LRFN5: variants seen among roughly 807,000 people sequenced by gnomAD.
The protein encoded by LRFN5 is leucine-rich repeat and fibronectin type-III domain-containing protein 5.
A neutral mutation model predicts 45.6 loss-of-function variants in LRFN5; 24 were observed. The ratio of observed to expected loss-of-function variants is 0.53; its 90% confidence interval spans 0.38 to 0.74. The LOEUF (loss-of-function observed/expected upper bound fraction) is 0.74, where lower values mean the gene tolerates loss of function less well. Among genes scored for constraint, LRFN5 ranks in the 30% least tolerant of loss-of-function variants. The probability of loss-of-function intolerance (pLI) is 0.00; values close to 1 mark genes in which losing one functional copy is unlikely to be tolerated. For missense variants in LRFN5, 776 were observed against 861.5 expected (o/e 0.90, Z 1.24); for synonymous variants, 340 against 313.8 (o/e 1.08, Z -0.88).
At chr14:41,828,508 G>A (rs1013809736) in intron 2 of LRFN5, among the ~76,000 whole-genome samples, 1 of 151,954 alleles carries the variant, frequency 6.6e-6, no homozygotes, top group African/African-American at 2.4e-5. Context: ...AAATCAACAT[G>A]TTTAATACCA....
In LRFN5 at chr14:41,672,920, T is replaced by A. The variant is rs1225850826; in HGVS notation, c.-197+64358T>A. 2.0e-5 allele frequency among the ~76,000 whole-genome samples: 3 copies of A among 152,318 alleles called. No homozygotes were observed. In the East Asian group the frequency reaches 5.8e-4, roughly 29 times the overall value. On this transcript the variant is annotated intron_variant, in intron 1 of 5. Coordinates refer to ENST00000298119, the MANE Select transcript of LRFN5 (RefSeq NM_152447.5). ...ACAAAACTAAGAATATACAATTTAA[T>A]CAACACTGGATATTGTATCATATTA...
intron 1 of LRFN5, chr14:41,699,830 T>C (rs1882765333): frequency 6.6e-6 from 1 of 152,034 alleles, no homozygotes; most frequent in Admixed American, 6.6e-5. Context: ...GGAAATACAA[T>C]AACATTAGAG....
In LRFN5 at chr14:41,776,009, C is replaced by G. The variant is rs1490058107; in HGVS notation, c.-21+8980C>G. On this transcript the variant is annotated intron_variant, in intron 2 of 5. Transcript: ENST00000298119. The stretch of plus-strand genomic sequence containing the variant: ...CTTTAGGTAGTTATATGCAAACACT[C>G]CAGTCTGGAAATTGGTGTGGCCTGA... Among the ~76,000 whole-genome samples the G allele has an allele frequency of 2.0e-5, 3 of 152,142 alleles. No individual in the cohort carries two copies. The East Asian group carries it at 5.8e-4, about 29-fold the overall frequency.
At chr14:41,850,899 T>G (rs1025724460) in intron 2 of LRFN5, among the ~76,000 whole-genome samples, 1 of 151,680 alleles carries the variant, frequency 6.6e-6, no homozygotes, top group Admixed American at 6.6e-5. Context: ...GAAAAAAAAA[T>G]ATGTGTTACT....
chr14:41,608,885 G>C (rs1439570438), intron 1 of LRFN5, among the ~76,000 whole-genome samples: 1 of 152,164 alleles, frequency 6.6e-6, no homozygotes, highest in Admixed American at 6.5e-5. Flanking sequence ...TCAGGCTGTG[G>C]TTGCCACGGA....
intron 1 of LRFN5, among the ~76,000 whole-genome samples, chr14:41,661,695 C>T (rs930593841): frequency 6.6e-6 from 1 of 151,920 alleles, no homozygotes; most frequent in African/African-American, 2.4e-5. Context: ...AGAGAGGAGC[C>T]TCCAGTAGTG....
intron 1 of LRFN5, among the ~76,000 whole-genome samples, chr14:41,693,262 C>A (rs1241235596): frequency 6.6e-6 from 1 of 152,042 alleles, no homozygotes; most frequent in African/African-American, 2.4e-5. Context: ...ATCAGTGTGG[C>A]AGTTTCTATA....
chr14:41,688,403 C>T (rs748389231), intron 1 of LRFN5, among the ~76,000 whole-genome samples: 1 of 151,254 alleles, frequency 6.6e-6, no homozygotes, highest in Non-Finnish European at 1.5e-5. Context: ...ATATTGTATG[C>T]CTGTATCAAA....
At chr14:41,673,444 G>A (rs1321589067) in intron 1 of LRFN5, among the ~76,000 whole-genome samples, 2 of 144,048 alleles carry the variant, frequency 1.4e-5, no homozygotes, top group East Asian at 2.1e-4. Flanking sequence ...CGGGCGGGGG[G>A]GCTGACCCCC....
chr14:41,878,722 G>A (rs930264434), intron 2 of LRFN5, among the ~76,000 whole-genome samples: 1 of 152,082 alleles, frequency 6.6e-6, no homozygotes, highest in Non-Finnish European at 1.5e-5. Context: ...GAAATAGACA[G>A]ATCGTGCTTG....
At chr14:41,831,220 A>C (rs1470356577) in intron 2 of LRFN5, among the ~76,000 whole-genome samples, 1 of 152,208 alleles carries the variant, frequency 6.6e-6, no homozygotes, top group African/African-American at 2.4e-5. Context: ...TCTTTTAATA[A>C]TGTTTATTTT....
At chr14:41,791,852 C>A (rs919047773) in intron 2 of LRFN5, among the ~76,000 whole-genome samples, 8 of 152,072 alleles carry the variant, frequency 5.3e-5, no homozygotes. Context: ...TTTTGAATGT[C>A]ACTATGAACT....
intron 1 of LRFN5, among the ~76,000 whole-genome samples, chr14:41,626,115 C>A (rs1018586963): frequency 2.0e-5 from 3 of 151,916 alleles, no homozygotes; most frequent in Non-Finnish European, 2.9e-5. Flanking sequence ...TCAACTTTAT[C>A]TTTTTTATAG....
At chr14:41,734,582 T>A (rs1189773163) in intron 1 of LRFN5, among the ~76,000 whole-genome samples, 1 of 150,688 alleles carries the variant, frequency 6.6e-6, no homozygotes, top group Non-Finnish European at 1.5e-5. Context: ...ATAAGCAGTA[T>A]ACAATGGAGT....
At chr14:41,649,984 G>A (rs539151012) in intron 1 of LRFN5, among the ~76,000 whole-genome samples, 87 of 152,088 alleles carry the variant, frequency 5.7e-4, no homozygotes, top group Admixed American at 5.9e-4. Flanking sequence ...AGTGCTCAAA[G>A]GCAATAATAA....
chr14:41,678,829 T>C (rs1383914787), intron 1 of LRFN5, among the ~76,000 whole-genome samples: 2 of 152,142 alleles, frequency 1.3e-5, no homozygotes, highest in African/African-American at 4.8e-5. Context: ...AACTTCATAT[T>C]ACTGAAAGAG....
chr14:41,904,182 C>G lies in LRFN5; in HGVS notation c.*7C>G, dbSNP rs1891184185. The G allele has an allele frequency of 1.2e-6, 2 of 1,608,180 alleles. No individual in the cohort carries two copies. Among genetic ancestry groups the G allele is most frequent in the Admixed American group, 1.7e-5 (1 of 59,738 alleles). On this transcript the variant is annotated 3_prime_UTR_variant, in exon 6 of 6. Transcript: ENST00000298119. ...GAGGCTGGAGTTAATCTGAAGAGCA[C>G]CACTTCTCCTCTCTCTCCTGAAAAA...
intron 2 of LRFN5, among the ~76,000 whole-genome samples, chr14:41,852,672 A>G (rs891227720): frequency 2.0e-5 from 3 of 151,908 alleles, no homozygotes; most frequent in African/African-American, 4.8e-5. Flanking sequence ...AAATTTACCC[A>G]TTAAGTTTTA....
In LRFN5 at chr14:41,781,608, G is replaced by GAA. The variant is rs1306751921; in HGVS notation, c.-21+14581_-21+14582dup. 1.1e-4 allele frequency among the ~76,000 whole-genome samples: 9 copies of GAA among 83,542 alleles called. 3 individuals carry two copies. Among genetic ancestry groups the GAA allele is most frequent in the African/African-American group, 5.3e-4 (9 of 16,872 alleles). 54.8% of individuals were successfully genotyped at this position (83,542 alleles called of 152,430 possible). A position where few individuals can be genotyped will look rare whatever the true frequency, so the allele number is the denominator to read the frequency against. ...AGAAAGAAAGAAAGAAAGAAAGAAA[G>GAA]AAAGAAAGAGAAAGAAAGAAAGAAA... On this transcript the variant is annotated intron_variant, in intron 2 of 5. Coordinates refer to ENST00000298119, the MANE Select transcript of LRFN5 (RefSeq NM_152447.5).
Sources: gnomAD v4.1 joint callset for allele counts (sites outside exome capture counted in the v4.1 genomes callset) on GRCh38, gnomAD v4.1.1 for gene constraint, MANE v1.5 for transcripts, NCBI Gene and HGNC (gene_info 2026-07-23, HGNC 2026-07-21) for gene names.